Variants in MAMDC2 observed in about 807,000 individuals in gnomAD.
MAMDC2 encodes the protein MAM domain containing 2, also known as MAM domain-containing protein 2.
Under a neutral mutation model 89.8 loss-of-function variants are expected in MAMDC2, and 57 were observed. That is an observed-to-expected ratio of 0.63 (90% confidence interval 0.51 to 0.79). The LOEUF (loss-of-function observed/expected upper bound fraction) is 0.79, where lower values mean the gene tolerates loss of function less well. Ranked by LOEUF, MAMDC2 falls within the 30% of genes least tolerant of loss-of-function variation. The pLI is 0.00. For synonymous variants in MAMDC2, 313 were observed against 293.4 expected, an observed-to-expected ratio of 1.07 and a Z score of -0.68; for missense variants, 800 against 820.6, an observed-to-expected ratio of 0.97 and a Z score of 0.31.
chr9:70,222,295 G>C (rs1253056949), intron 12 of MAMDC2, among the ~76,000 whole-genome samples: 1 of 152,156 alleles, frequency 6.6e-6, no homozygotes, highest in Non-Finnish European at 1.5e-5. Flanking sequence ...TAGACTTCTG[G>C]GGGGACATGT....
intron 11 of MAMDC2, among the ~76,000 whole-genome samples, chr9:70,199,297 G>A (rs1005707124): frequency 4.5e-4 from 62 of 137,356 alleles, no homozygotes; most frequent in African/African-American, 1.2e-3. Context: ...GAGAATATGC[G>A]GTGTTTGGTT....
intron 9 of MAMDC2, among the ~76,000 whole-genome samples, chr9:70,166,039 G>A (rs1220270455): frequency 6.6e-6 from 1 of 151,916 alleles, no homozygotes; most frequent in Non-Finnish European, 1.5e-5. Flanking sequence ...TCAGGTGTTC[G>A]AGACCAGCCT....
At chr9:70,156,635 G>A (rs2031774491) in intron 9 of MAMDC2, among the ~76,000 whole-genome samples, 1 of 152,194 alleles carries the variant, frequency 6.6e-6, no homozygotes. Context: ...GATTAAGGTG[G>A]CTTTGTACAC....
intron 11 of MAMDC2, among the ~76,000 whole-genome samples, chr9:70,197,394 C>A (rs4596711): frequency 0.069 from 10,466 of 152,038 alleles, 572 homozygotes; most frequent in East Asian, 0.22. Flanking sequence ...GATTTGCCAA[C>A]ATACTTGATG....
At chr9:70,147,787 T>C (rs2031456481) in intron 9 of MAMDC2, among the ~76,000 whole-genome samples, 1 of 150,478 alleles carries the variant, frequency 6.6e-6, no homozygotes, top group East Asian at 1.9e-4. Flanking sequence ...CCTTGGCATT[T>C]TGAAGAGGAC....
intron 9 of MAMDC2, 54 bp from the exon 10 acceptor site, chr9:70,168,645 TAGG>T (rs2032239050): frequency 4.2e-6 from 6 of 1,424,610 alleles, no homozygotes; most frequent in Non-Finnish European, 5.9e-6. Flanking sequence ...CCCAGGTTGT[TAGG>T]AGTTTCCAGT....
intron 11 of MAMDC2, among the ~76,000 whole-genome samples, chr9:70,187,003 A>G (rs1927142): frequency 0.069 from 10,475 of 152,158 alleles, 574 homozygotes; most frequent in East Asian, 0.22. Context: ...ATTGGGGATC[A>G]CATTTCAACA....
intron 9 of MAMDC2, among the ~76,000 whole-genome samples, chr9:70,151,824 G>A (rs2031590406): frequency 6.6e-6 from 1 of 152,154 alleles, no homozygotes; most frequent in Admixed American, 6.5e-5. Context: ...TCCCCCAGAT[G>A]ATCTAGTAGA....
At chr9:70,182,429 G>A (rs1406270538) in intron 11 of MAMDC2, among the ~76,000 whole-genome samples, 1 of 152,138 alleles carries the variant, frequency 6.6e-6, no homozygotes, top group Non-Finnish European at 1.5e-5. Context: ...CAGAAGGAAT[G>A]GTACCAGCTC....
chr9:70,217,466 T>A (rs1285612884), intron 11 of MAMDC2: 16 of 1,424,994 alleles, frequency 1.1e-5, no homozygotes, highest in Non-Finnish European at 1.6e-5. Flanking sequence ...GCTGATATAA[T>A]GGCCAAGAGG....
chr9:70,089,052 T>C (rs1482950070), intron 2 of MAMDC2: 1 of 152,156 alleles, frequency 6.6e-6, no homozygotes, highest in African/African-American at 2.4e-5. Context: ...CCTGAGAAAC[T>C]AAGGCTTGGA....
intron 2 of MAMDC2, among the ~76,000 whole-genome samples, chr9:70,054,387 A>C (rs1335747063): frequency 6.6e-6 from 1 of 152,070 alleles, no homozygotes; most frequent in Non-Finnish European, 1.5e-5. Flanking sequence ...AAGAATTAGG[A>C]AAGTGGAAGA....
Position 70,226,142 on chromosome 9 carries a change from A to AT in MAMDC2, c.*111dup. On this transcript the variant is annotated 3_prime_UTR_variant, in exon 14 of 14. Coordinates refer to ENST00000377182, the MANE Select transcript of MAMDC2 (RefSeq NM_153267.5). ...TCTTAACAATTTTATAAGTTATAAA[A>AT]TGACTTTAGAGCACCCTCCTTCATT... 3 of 618,454 alleles carry AT rather than the reference A, an allele frequency of 4.9e-6. No homozygotes were observed. The highest frequency in any genetic ancestry group is 3.2e-5 in the South Asian group (1 of 30,836). The allele number at this position is 618,454 out of a possible 1,614,324, so 38.3% of individuals were successfully genotyped here. A position where few individuals can be genotyped will look rare whatever the true frequency, so the allele number is the denominator to read the frequency against.
chr9:70,116,800 G>T (rs1010312512), intron 5 of MAMDC2, among the ~76,000 whole-genome samples: 8 of 152,046 alleles, frequency 5.3e-5, no homozygotes, highest in African/African-American at 1.7e-4. Context: ...TAAGCATAGT[G>T]GTGTGGTCAT....
At chr9:70,079,536 T>C (rs2001235) in intron 2 of MAMDC2, among the ~76,000 whole-genome samples, 28,093 of 152,046 alleles carry the variant, frequency 0.18, 3,647 homozygotes, top group African/African-American at 0.37. Context: ...GTGTGGGTGG[T>C]CTGCTGGGGG....
intron 7 of MAMDC2, among the ~76,000 whole-genome samples, chr9:70,134,126 C>T (rs1887450): frequency 0.044 from 6,746 of 152,236 alleles, 232 homozygotes; most frequent in Non-Finnish European, 0.066. Flanking sequence ...ATTTTCTTCC[C>T]TCATCTCCCT....
chr9:70,205,022 C>G (rs910137826), intron 11 of MAMDC2, among the ~76,000 whole-genome samples: 3 of 152,240 alleles, frequency 2.0e-5, no homozygotes, highest in Admixed American at 1.3e-4. Context: ...TCTTCTGCCT[C>G]GCTCACGCTG....
intron 6 of MAMDC2, among the ~76,000 whole-genome samples, chr9:70,127,682 C>CT (rs574021518): frequency 6.0e-4 from 90 of 151,098 alleles, no homozygotes; most frequent in African/African-American, 2.1e-3. Context: ...ACCTCCCTAC[C>CT]TCCCCCCACA....
chr9:70,123,671 T>C (rs1311830122), intron 5 of MAMDC2, among the ~76,000 whole-genome samples: 3 of 152,196 alleles, frequency 2.0e-5, no homozygotes, highest in Non-Finnish European at 2.9e-5. Flanking sequence ...GATGAGGTCA[T>C]GCTGGAGTAG....
Sources: allele counts gnomAD v4.1 joint callset (sites outside exome capture counted in the v4.1 genomes callset), GRCh38; gene constraint gnomAD v4.1.1; transcripts MANE v1.5; gene names NCBI Gene and HGNC (gene_info 2026-07-23, HGNC 2026-07-21).